ZNF729: variants seen among roughly 807,000 people sequenced by gnomAD.
ZNF729 encodes the protein zinc finger protein 729.
A neutral mutation model predicts 12.2 loss-of-function variants in ZNF729; 15 were observed. That is an observed-to-expected ratio of 1.23 (90% CI 0.82 to 1.89). The LOEUF is 1.89. Ranked by LOEUF, ZNF729 falls within the 40% of genes most tolerant of loss-of-function variation. The pLI, the probability that ZNF729 is intolerant of heterozygous loss-of-function variation, is 0.00. For synonymous variants in ZNF729, 492 were observed against 476.3 expected (o/e 1.03, Z -0.43); for missense variants, 1,540 against 1,456.7 (o/e 1.06, Z -0.93).
intron 1 of ZNF729, among the ~76,000 whole-genome samples, chr19:22,297,869 G>A (rs774965765): frequency 4.0e-5 from 6 of 151,762 alleles, no homozygotes; most frequent in Non-Finnish European, 7.4e-5. Context: ...GCTCGGCATG[G>A]TTGTGCATGC....
chr19:22,303,721 T>C, intron 1 of ZNF729, 37 bp from the exon 2 acceptor site: 2 of 1,496,938 alleles, frequency 1.3e-6, no homozygotes, highest in Non-Finnish European at 1.8e-6. Flanking sequence ...CATGGCCACT[T>C]GGGAAATGTA....
At position 22,290,608 on chromosome 19, in the gene ZNF729, A is replaced by G. The variant is rs1447820426; in HGVS notation, c.30+4053A>G. 2.6e-5 allele frequency among the ~76,000 whole-genome samples: 4 copies of G among 152,212 alleles called. No homozygotes were observed. In the South Asian group the frequency reaches 6.2e-4, roughly 24 times the overall value. On this transcript the variant is annotated intron_variant, in intron 1 of 3. Coordinates refer to ENST00000601693, the MANE Select transcript of ZNF729 (RefSeq NM_001242680.2). ...TGAAGTCATCATGTTCTTAGGAACT[A>G]CATAAAATGGGGTTGTATGTTGACT...
intron 1 of ZNF729, among the ~76,000 whole-genome samples, chr19:22,286,767 G>A (rs1203085142): frequency 2.0e-5 from 3 of 152,170 alleles, no homozygotes; most frequent in African/African-American, 7.2e-5. Flanking sequence ...CATGCGCTGT[G>A]ACTGTGCCCT....
chr19:22,304,035 ATT>A (rs34014506), intron 2 of ZNF729, among the ~76,000 whole-genome samples, 151 bp downstream of exon 2: 9 of 129,406 alleles, frequency 7.0e-5, no homozygotes, highest in Admixed American at 8.1e-5. Context: ...GTAGAAAGGA[ATT>A]TTTTTTTTTT....
chr19:22,306,626 GA>G (rs371431022), intron 3 of ZNF729, among the ~76,000 whole-genome samples: 2,354 of 150,202 alleles, frequency 0.016, 76 homozygotes, highest in African/African-American at 0.055. Context: ...TAGTTATCTT[GA>G]AAAACGGACA....
At chr19:22,309,174 C>T (rs1049520896) in intron 3 of ZNF729, among the ~76,000 whole-genome samples, 14 of 152,250 alleles carry the variant, frequency 9.2e-5, no homozygotes, top group Admixed American at 3.3e-4. Context: ...TGGCCGGGTG[C>T]GGTGGCTCAT....
At chr19:22,313,525 C>T (rs1397664936) in intron 3 of ZNF729, 146 bp from the exon 4 acceptor site, 7 of 665,200 alleles carry the variant, frequency 1.1e-5, no homozygotes, top group East Asian at 3.2e-5. Context: ...GTTTTTGTTA[C>T]ATTTATATGT....
chr19:22,314,466 G>C lies in ZNF729; in HGVS notation c.1049G>C (p.Arg350Pro). 2 of 1,608,614 alleles carry C rather than the reference G, an allele frequency of 1.2e-6. No individual in the cohort carries two copies. The highest frequency in any genetic ancestry group is 1.7e-6 in the Non-Finnish European group (2 of 1,177,882). ...IIHTGKKPYK[R>P]EECGKAFSQS... ...CATACTGGAAAGAAACCCTACAAGC[G>C]TGAAGAATGTGGCAAAGCTTTTAGC... Residue 350 changes from arginine (R) to proline (P), a missense_variant, in exon 4 of 4, where the codon CGT (arginine) becomes CCT (proline). By Grantham distance (103) the Arg-to-Pro change is moderately radical. Coordinates refer to ENST00000601693, the MANE Select transcript of ZNF729 (RefSeq NM_001242680.2).
intron 1 of ZNF729, among the ~76,000 whole-genome samples, chr19:22,291,086 TG>T (rs1968146086): frequency 6.6e-6 from 1 of 152,180 alleles, no homozygotes; most frequent in South Asian, 2.1e-4. Context: ...GTGCTGACTC[TG>T]GGTGGTGTCA....
chr19:22,316,424 A>C lies in ZNF729; in HGVS notation c.3007A>C (p.Asn1003His). The change falls in exon 4 of 4, where the codon AAT (asparagine) becomes CAT (histidine). Residue 1003 changes from asparagine (N) to histidine (H), a missense_variant. Transcript: ENST00000601693. ...KCEECGKDFN[N>H]SSTLKKHKLI... is the part of the protein sequence containing the mutation. ...CGAAGAATGTGGCAAAGATTTTAAC[A>C]ATTCCTCAACCCTTAAGAAACATAA... is the stretch of plus-strand genomic sequence containing the variant. 1 of 1,613,128 alleles carries C rather than the reference A, an allele frequency of 6.2e-7. No individual in the cohort carries two copies. Among genetic ancestry groups the C allele is most frequent in the Non-Finnish European group, 8.5e-7 (1 of 1,179,560 alleles).
At chr19:22,293,846 G>C (rs1968188781) in intron 1 of ZNF729, among the ~76,000 whole-genome samples, 1 of 152,086 alleles carries the variant, frequency 6.6e-6, no homozygotes, top group African/African-American at 2.4e-5. Context: ...GTAAACTTAA[G>C]TTTTTTATGG....
At position 22,308,953 on chromosome 19, in the gene ZNF729, G is replaced by A. The variant is rs144787733; in HGVS notation, c.253+4170G>A. 1.1e-3 allele frequency among the ~76,000 whole-genome samples: 170 copies of A among 152,220 alleles called. 1 individual carries two copies. Among genetic ancestry groups the A allele is most frequent in the Admixed American group, 5.7e-3 (87 of 15,286 alleles). On this transcript the variant is annotated intron_variant, in intron 3 of 3. Transcript: ENST00000601693. ...CTTTGTTTTTATTGCATTTGCTTTTGGGTTCTTGTATATGAAATCCTTGGC... is the reference window on the plus strand; with the variant it reads ...CTTTGTTTTTATTGCATTTGCTTTTAGGTTCTTGTATATGAAATCCTTGGC...
At chr19:22,296,853 G>A (rs1275942435) in intron 1 of ZNF729, among the ~76,000 whole-genome samples, 1 of 152,104 alleles carries the variant, frequency 6.6e-6, no homozygotes, top group East Asian at 1.9e-4. Context: ...TTACCCAAAA[G>A]TCATTCAAGT....
intron 1 of ZNF729, among the ~76,000 whole-genome samples, chr19:22,298,533 G>C (rs528916749): frequency 3.4e-4 from 52 of 151,482 alleles, no homozygotes; most frequent in Non-Finnish European, 6.9e-4. Context: ...TCTTTTTTGA[G>C]ACAGAGTTTC....
intron 3 of ZNF729, among the ~76,000 whole-genome samples, chr19:22,311,542 G>A (rs1478552553): frequency 6.6e-6 from 1 of 152,082 alleles, no homozygotes; most frequent in East Asian, 1.9e-4. Flanking sequence ...TTATTCCACT[G>A]TGGTCTGAGA....
rs1208492201 is a variant in ZNF729, at chr19:22,290,799, A to G, written c.30+4244A>G. On this transcript the variant is annotated intron_variant, in intron 1 of 3. Transcript: ENST00000601693. ...CAGTGTGCAGAGTCTGTGTCTGGCT[A>G]TGTGACAGGTAAGAAAAGAGCACCA... 3.9e-5 allele frequency among the ~76,000 whole-genome samples: 6 copies of G among 152,270 alleles called. No homozygotes were observed. The South Asian group carries it at 8.3e-4, about 21-fold the overall frequency.
chr19:22,304,035 A>ATTT lies in ZNF729; in HGVS notation c.157+169_157+171dup, dbSNP rs34014506. 2.8e-3 allele frequency among the ~76,000 whole-genome samples: 366 copies of ATTT among 129,402 alleles called. 9 individuals are homozygous for ATTT. Among genetic ancestry groups the ATTT allele is most frequent in the African/African-American group, 8.4e-3 (298 of 35,314 alleles). 84.9% of individuals were successfully genotyped at this position (129,402 alleles called of 152,430 possible). A position where few individuals can be genotyped will look rare whatever the true frequency, so the allele number is the denominator to read the frequency against. On this transcript the variant is annotated intron_variant, in intron 2 of 3. Coordinates refer to ENST00000601693, the MANE Select transcript of ZNF729 (RefSeq NM_001242680.2). ...CAGGGATTTATAAGTGTAGAAAGGA[A>ATTT]TTTTTTTTTTTTTTTTTTTTGAGAA... is the stretch of plus-strand genomic sequence containing the variant.
intron 3 of ZNF729, 146 bp downstream of exon 3, chr19:22,304,929 C>A (rs374980121): frequency 2.6e-6 from 2 of 763,612 alleles, no homozygotes; most frequent in Non-Finnish European, 2.1e-6. Flanking sequence ...TTTGCTCTCA[C>A]GTAGAGGCAT....
chr19:22,295,470 A>T (rs112145886), intron 1 of ZNF729, among the ~76,000 whole-genome samples: 1 of 149,456 alleles, frequency 6.7e-6, no homozygotes, highest in African/African-American at 2.5e-5. Context: ...CGCTCACTGC[A>T]AGCTCCGCCT....
Sources: allele counts gnomAD v4.1 joint callset (sites outside exome capture counted in the v4.1 genomes callset), GRCh38; gene constraint gnomAD v4.1.1; transcripts MANE v1.5; gene names NCBI Gene and HGNC (gene_info 2026-07-23, HGNC 2026-07-21).